UBTF: variants seen among roughly 807,000 people sequenced by gnomAD.
The protein encoded by UBTF is upstream binding transcription factor, also known as nucleolar transcription factor 1.
Under a neutral mutation model 112.3 loss-of-function variants are expected in UBTF, and 8 were observed. The observed-to-expected ratio is 0.07, with a 90% confidence interval of 0.04 to 0.13. UBTF has a LOEUF of 0.13. Ranked by LOEUF, UBTF falls within the 10% of genes least tolerant of loss-of-function variation. UBTF has a pLI of 1.00. For missense variants in UBTF, 457 were observed against 982.1 expected, an observed-to-expected ratio of 0.47 and a Z score of 7.15; for synonymous variants, 417 against 373.1, an observed-to-expected ratio of 1.12 and a Z score of -1.36.
In UBTF at chr17:44,216,544, C is replaced by T. The variant is rs2144552253; in HGVS notation, c.219G>A (p.Val73=). Residue 73 remains valine (V), a synonymous_variant, in exon 3 of 21, where the codon GTG becomes GTA. Coordinates refer to ENST00000436088, the MANE Select transcript of UBTF (RefSeq NM_014233.4). ...FSGDMCKLKW[V]EISNEVRKFR... ...GATCAGTTACCTCATTAGAAATCTC[C>T]ACCCATTTGAGCTTGCACATGTCTC... The T allele has an allele frequency of 6.2e-7, 1 of 1,614,164 alleles. No homozygotes were observed. The highest frequency in any genetic ancestry group is 1.6e-4 in the Middle Eastern group (1 of 6,062).
chr17:44,207,190 G>A lies in UBTF; in HGVS notation c.*52C>T, dbSNP rs1407861849. 1.0e-5 allele frequency: 16 copies of A among 1,604,894 alleles called. No individual in the cohort carries two copies. The highest frequency in any genetic ancestry group is 1.4e-5 in the Non-Finnish European group (16 of 1,173,720). On this transcript the variant is annotated 3_prime_UTR_variant, in exon 21 of 21. Transcript: ENST00000436088. ...GGGGGAGAAACAAAGGTGGTCAGTT[G>A]GGGAGGGGAGCTCCTGGGCTCTCCC...
intron 5 of UBTF, among the ~76,000 whole-genome samples, chr17:44,214,905 C>T (rs2046769753): frequency 6.6e-6 from 1 of 152,200 alleles, no homozygotes; most frequent in Non-Finnish European, 1.5e-5. Flanking sequence ...CCTCGTGTCC[C>T]ATCTGCAGGC....
In UBTF at chr17:44,206,959, G is replaced by A; in HGVS notation, c.*283C>T. The A allele has an allele frequency of 1.9e-6, 1 of 520,624 alleles. No individual in the cohort carries two copies. Among genetic ancestry groups the A allele is most frequent in the African/African-American group, 1.9e-5 (1 of 51,444 alleles). 32.3% of individuals were successfully genotyped at this position (520,624 alleles called of 1,614,324 possible). A position where few individuals can be genotyped will look rare whatever the true frequency, so the allele number is the denominator to read the frequency against. ...TGTCCATGCCGGAACCGCAAGTGCA[G>A]AAGTGGGTGGGGTGGGCCAGGCTGG... On this transcript the variant is annotated 3_prime_UTR_variant, in exon 21 of 21. Coordinates refer to ENST00000436088, the MANE Select transcript of UBTF (RefSeq NM_014233.4).
intron 4 of UBTF, 25 bp from the exon 5 acceptor site, chr17:44,215,834 T>C: frequency 1.9e-6 from 3 of 1,614,086 alleles, no homozygotes; most frequent in South Asian, 1.1e-5. Flanking sequence ...AAGGACACAA[T>C]GGAGGTCAAA....
rs2056287447 is a variant in UBTF at position 44,207,096 on chromosome 17, C to A, written c.*146G>T. The A allele has an allele frequency of 1.2e-6, 1 of 866,694 alleles. No homozygotes were observed. Among genetic ancestry groups the A allele is most frequent in the Admixed American group, 2.8e-5 (1 of 35,626 alleles). The allele number at this position is 866,694 out of a possible 1,614,324, so 53.7% of individuals were successfully genotyped here. ...GGGCTCCTCCAGCCCCCTACCCCCACCGTATTTTTTTTTTTTTTTAAAGAA... is the reference window on the plus strand; with the variant it reads ...GGGCTCCTCCAGCCCCCTACCCCCAACGTATTTTTTTTTTTTTTTAAAGAA... On this transcript the variant is annotated 3_prime_UTR_variant, in exon 21 of 21. Coordinates refer to ENST00000436088, the MANE Select transcript of UBTF (RefSeq NM_014233.4).
In UBTF at chr17:44,207,779, TG is replaced by T. The variant is rs748451233; in HGVS notation, c.1954-10del. The T allele has an allele frequency of 1.2e-6, 2 of 1,614,132 alleles. No individual in the cohort carries two copies. The highest frequency in any genetic ancestry group is 4.5e-5 in the East Asian group (2 of 44,876). ...GTCATGCTCTTACGTTTCTGCAGGATGGGGACACAAAGGTGGCAGCCATGAG... is the reference window on the plus strand; with the variant it reads ...GTCATGCTCTTACGTTTCTGCAGGATGGGACACAAAGGTGGCAGCCATGAG... On this transcript the variant is annotated splice_polypyrimidine_tract_variant and intron_variant, in intron 18 of 20. Coordinates refer to ENST00000436088, the MANE Select transcript of UBTF (RefSeq NM_014233.4).
At chr17:44,212,651 ACACG>A (rs2056766049) in intron 7 of UBTF, among the ~76,000 whole-genome samples, 164 bp downstream of exon 7, 2 of 152,136 alleles carry the variant, frequency 1.3e-5, no homozygotes, top group Non-Finnish European at 2.9e-5. Flanking sequence ...ACGCACGCAC[ACACG>A]CACACGCTTG....
chr17:44,220,638 C>G (rs1348865644), upstream of UBTF: 2 of 152,182 alleles, frequency 1.3e-5, no homozygotes, highest in South Asian at 2.1e-4. Context: ...CAATCCAGCC[C>G]GGCATGGTTC....
chr17:44,218,768 C>T (rs2046995839), intron 1 of UBTF, among the ~76,000 whole-genome samples: 1 of 151,150 alleles, frequency 6.6e-6, no homozygotes, highest in Admixed American at 6.6e-5. Context: ...CCCCCCGCCT[C>T]CGCAACCCGG....
At chr17:44,220,118 C>T (rs2047107439), upstream of UBTF, among the ~76,000 whole-genome samples, 1 of 149,954 alleles carries the variant, frequency 6.7e-6, no homozygotes, top group Non-Finnish European at 1.5e-5. Flanking sequence ...AGACACGCAG[C>T]CGCCCGGATG....
chr17:44,215,415 G>A (rs1452793991), intron 5 of UBTF: 2 of 537,368 alleles, frequency 3.7e-6, no homozygotes, highest in Non-Finnish European at 6.6e-6. Flanking sequence ...TTTTCTGTAG[G>A]GGGAAAGGTT....
chr17:44,206,978 A>G lies in UBTF; in HGVS notation c.*264T>C, dbSNP rs1314705417. 1.1e-5 allele frequency: 6 copies of G among 540,398 alleles called. No homozygotes were observed. The highest frequency in any genetic ancestry group is 1.9e-5 in the Non-Finnish European group (6 of 307,896). The allele number at this position is 540,398 out of a possible 1,614,324, so 33.5% of individuals were successfully genotyped here. On this transcript the variant is annotated 3_prime_UTR_variant, in exon 21 of 21. Transcript: ENST00000436088. ...AGTGCAGAAGTGGGTGGGGTGGGCCAGGCTGGTCCGGTGCTGGCTTAGTCT... is the reference window on the plus strand; with the variant it reads ...AGTGCAGAAGTGGGTGGGGTGGGCCGGGCTGGTCCGGTGCTGGCTTAGTCT...
chr17:44,220,585 G>A (rs1202123697), upstream of UBTF, among the ~76,000 whole-genome samples: 5 of 152,140 alleles, frequency 3.3e-5, no homozygotes, highest in Non-Finnish European at 7.4e-5. Context: ...AAACGGCAAG[G>A]GAACGACGGG....
At chr17:44,213,975 CCT>C (rs2046714343) in intron 5 of UBTF, among the ~76,000 whole-genome samples, 1 of 152,076 alleles carries the variant, frequency 6.6e-6, no homozygotes, top group South Asian at 2.1e-4. Flanking sequence ...TTCATCACCC[CCT>C]TTTTAGCCTC....
At chr17:44,212,286 G>T in intron 8 of UBTF, 58 bp downstream of exon 8, 1 of 1,466,292 alleles carries the variant, frequency 6.8e-7, no homozygotes, top group Non-Finnish European at 9.5e-7. Flanking sequence ...TGGCCACGGA[G>T]TCGGAGGGCA....
chr17:44,216,491 G>C (rs924056346), intron 3 of UBTF, 38 bp downstream of exon 3: 4 of 1,607,832 alleles, frequency 2.5e-6, no homozygotes, highest in African/African-American at 1.3e-5. Context: ...CGCTGAGTGG[G>C]GGGTATGTGT....
chr17:44,212,651 A>G (rs1401498641), intron 7 of UBTF, among the ~76,000 whole-genome samples, 168 bp downstream of exon 7: 1 of 152,136 alleles, frequency 6.6e-6, no homozygotes, highest in Non-Finnish European at 1.5e-5. Flanking sequence ...ACGCACGCAC[A>G]CACGCACACG....
chr17:44,212,245 G>A (rs1474784462), intron 8 of UBTF, 99 bp downstream of exon 8: 3 of 1,038,844 alleles, frequency 2.9e-6, no homozygotes, highest in East Asian at 2.4e-5. Context: ...TCAACAGAGG[G>A]ATGGGGAGTG....
At chr17:44,208,998 A>G in intron 17 of UBTF, 1 of 319,012 alleles carries the variant, frequency 3.1e-6, no homozygotes, top group Non-Finnish European at 6.2e-6. Flanking sequence ...CAGCCTGCCC[A>G]TCTCTACTAA....
Sources: gnomAD v4.1 joint callset for allele counts (sites outside exome capture counted in the v4.1 genomes callset) on GRCh38, gnomAD v4.1.1 for gene constraint, MANE v1.5 for transcripts, NCBI Gene and HGNC (gene_info 2026-07-23, HGNC 2026-07-21) for gene names.